FHOD3: variants seen among roughly 807,000 people sequenced by gnomAD.
FHOD3 encodes formin homology 2 domain containing 3.
A neutral mutation model predicts 173.0 loss-of-function variants in FHOD3; 90 were observed. The ratio of observed to expected loss-of-function variants is 0.52; its 90% confidence interval spans 0.44 to 0.62. The LOEUF (loss-of-function observed/expected upper bound fraction) is 0.62. Among genes scored for constraint, FHOD3 ranks in the 20% least tolerant of loss-of-function variants. FHOD3 has a pLI of 0.00. For synonymous variants in FHOD3, 828 were observed against 823.0 expected, an observed-to-expected ratio of 1.01 and a Z score of -0.10; for missense variants, 1,945 against 2,034.7, an observed-to-expected ratio of 0.96 and a Z score of 0.85.
intron 14 of FHOD3, among the ~76,000 whole-genome samples, chr18:36,673,140 A>G (rs2037641023): frequency 6.6e-6 from 1 of 152,166 alleles, no homozygotes; most frequent in Non-Finnish European, 1.5e-5. Context: ...GTCTTTGCTC[A>G]GCCTGGGCAG....
intron 3 of FHOD3, among the ~76,000 whole-genome samples, chr18:36,456,621 G>A (rs1271717847): frequency 6.6e-6 from 1 of 152,076 alleles, no homozygotes; most frequent in East Asian, 1.9e-4. Context: ...ACTGGATGGG[G>A]CTGGGGAAGG....
At chr18:36,658,252 G>A (rs769974082) in intron 14 of FHOD3, 64 bp downstream of exon 14, 8 of 1,170,916 alleles carry the variant, frequency 6.8e-6, no homozygotes, top group Non-Finnish European at 9.7e-6. Context: ...ATTTGGTTAA[G>A]TGTGGTTAAA....
chr18:36,337,262 T>A (rs2045370145), intron 1 of FHOD3, among the ~76,000 whole-genome samples: 1 of 152,156 alleles, frequency 6.6e-6, no homozygotes, highest in African/African-American at 2.4e-5. Context: ...CCAGAGTCTG[T>A]ACTGACCATT....
chr18:36,662,609 C>T (rs1348717907), intron 14 of FHOD3, among the ~76,000 whole-genome samples: 2 of 152,134 alleles, frequency 1.3e-5, no homozygotes, highest in Admixed American at 1.3e-4. Flanking sequence ...CTTCCTACTT[C>T]CTGTAAGATT....
chr18:36,549,006 T>G (rs984707632), intron 5 of FHOD3, among the ~76,000 whole-genome samples: 7 of 152,228 alleles, frequency 4.6e-5, no homozygotes, highest in African/African-American at 1.4e-4. Context: ...TCCAAACAAC[T>G]TCCAAAGGAG....
chr18:36,474,978 TACACACATACAC>T (rs1330185246), intron 3 of FHOD3, among the ~76,000 whole-genome samples: 1 of 95,094 alleles, frequency 1.1e-5, no homozygotes, highest in African/African-American at 3.9e-5. Flanking sequence ...AGGTTGAAAA[TACACACATACAC>T]ACACACACAC....
At chr18:36,566,813 A>G (rs563546014) in intron 5 of FHOD3, among the ~76,000 whole-genome samples, 6 of 152,284 alleles carry the variant, frequency 3.9e-5, no homozygotes, top group African/African-American at 9.6e-5. Flanking sequence ...GGATGAGGAA[A>G]GGGAAGGAGT....
At chr18:36,527,033 C>T (rs141982675) in intron 5 of FHOD3, among the ~76,000 whole-genome samples, 1 of 152,268 alleles carries the variant, frequency 6.6e-6, no homozygotes, top group Admixed American at 6.5e-5. Context: ...AGTCAGTTTT[C>T]CCACCTTCTT....
At chr18:36,417,955 A>T (rs1230446356) in intron 3 of FHOD3, among the ~76,000 whole-genome samples, 1 of 152,224 alleles carries the variant, frequency 6.6e-6, no homozygotes, top group Non-Finnish European at 1.5e-5. Flanking sequence ...TTGTTTTTAA[A>T]TTGTTACCAC....
intron 1 of FHOD3, among the ~76,000 whole-genome samples, chr18:36,312,440 T>A (rs568939489): frequency 6.6e-6 from 1 of 152,248 alleles, no homozygotes; most frequent in South Asian, 2.1e-4. Context: ...CCAGCTGCCC[T>A]TTGAACAGCT....
At chr18:36,520,374 A>G (rs896931066) in intron 5 of FHOD3, among the ~76,000 whole-genome samples, 3 of 152,252 alleles carry the variant, frequency 2.0e-5, no homozygotes, top group African/African-American at 7.2e-5. Context: ...AAGAAAGACT[A>G]GGTAGCCCTG....
chr18:36,549,978 T>C (rs918485925), intron 5 of FHOD3, among the ~76,000 whole-genome samples: 2 of 151,892 alleles, frequency 1.3e-5, no homozygotes, highest in South Asian at 2.1e-4. Context: ...TCTTTACATG[T>C]AGTCTGGATC....
intron 3 of FHOD3, among the ~76,000 whole-genome samples, chr18:36,405,080 G>A (rs944002580): frequency 1.6e-4 from 25 of 152,348 alleles, no homozygotes; most frequent in Admixed American, 6.5e-4. Context: ...GGTATCCATA[G>A]CTGGGGCCTT....
At chr18:36,654,503 T>C (rs933398611) in intron 13 of FHOD3, among the ~76,000 whole-genome samples, 4 of 152,218 alleles carry the variant, frequency 2.6e-5, no homozygotes, top group African/African-American at 9.6e-5. Context: ...ACTGATTTAA[T>C]TCTGGAAAAC....
At chr18:36,349,809 C>A (rs574341599) in intron 1 of FHOD3, among the ~76,000 whole-genome samples, 1 of 152,108 alleles carries the variant, frequency 6.6e-6, no homozygotes, top group African/African-American at 2.4e-5. Flanking sequence ...CAGTCTCACT[C>A]TGTTGGAGTG....
chr18:36,711,472 T>C (rs935713263), intron 18 of FHOD3: 3 of 152,276 alleles, frequency 2.0e-5, no homozygotes, highest in Non-Finnish European at 4.4e-5. Flanking sequence ...TTTTTTGTAG[T>C]TACTTGCATA....
intron 13 of FHOD3, among the ~76,000 whole-genome samples, chr18:36,656,766 T>C (rs893833146): frequency 1.3e-5 from 2 of 152,150 alleles, no homozygotes; most frequent in Non-Finnish European, 1.5e-5. Flanking sequence ...ACTTATAAAA[T>C]TGGTAATCAT....
At chr18:36,477,544 C>CACCTACCTACCTACCTACCTACCT (rs61272960) in intron 3 of FHOD3, among the ~76,000 whole-genome samples, 1 of 63,464 alleles carries the variant, frequency 1.6e-5, no homozygotes, top group Non-Finnish European at 3.3e-5. Context: ...CCCACCCACC[C>CACCTACCTACCTACCTACCTACCT]ACCTACCTAC....
chr18:36,669,701 C>T lies in FHOD3; in HGVS notation c.1835+11513C>T, dbSNP rs371374094. ...TTTTTTTCTTCCAGCCTTTATGCTA[C>T]GGTGATCATGGATTTTACCTTTAAA... On this transcript the variant is annotated intron_variant, in intron 14 of 28. Coordinates refer to ENST00000590592, the MANE Select transcript of FHOD3 (RefSeq NM_001281740.3). Among the ~76,000 whole-genome samples the T allele has an allele frequency of 6.6e-5, 10 of 151,856 alleles. No homozygotes were observed. In the East Asian group the frequency reaches 1.7e-3, roughly 26 times the overall value.
Sources: gnomAD v4.1 joint callset for allele counts (sites outside exome capture counted in the v4.1 genomes callset) on GRCh38, gnomAD v4.1.1 for gene constraint, MANE v1.5 for transcripts, NCBI Gene and HGNC (gene_info 2026-07-23, HGNC 2026-07-21) for gene names.